Variants in COL25A1 observed in about 807,000 individuals in gnomAD.
COL25A1 encodes the protein collagen alpha-1(XXV) chain.
A neutral mutation model predicts 128.4 loss-of-function variants in COL25A1; 103 were observed. The observed-to-expected ratio is 0.80, with a 90% CI of 0.68 to 0.94. The LOEUF is 0.94. COL25A1 is among the 40% of genes least tolerant of loss of function. The pLI is 0.00. For missense variants in COL25A1, 745 were observed against 840.0 expected (o/e 0.89, Z 1.40); for synonymous variants, 279 against 277.2 (o/e 1.01, Z -0.06).
chr4:109,072,109 T>C (rs72883469), intron 3 of COL25A1, among the ~76,000 whole-genome samples: 17,584 of 152,216 alleles, frequency 0.12, 1,307 homozygotes, highest in African/African-American at 0.21. Context: ...ATACAACTCC[T>C]GGGCTAAGAG....
intron 3 of COL25A1, among the ~76,000 whole-genome samples, chr4:109,120,821 A>AAC (rs1050272932): frequency 3.4e-5 from 4 of 117,270 alleles, no homozygotes; most frequent in African/African-American, 1.9e-4. Context: ...AAAAGAAAAA[A>AAC]AAAAAAATTC....
chr4:108,853,129 C>T (rs554959265), intron 24 of COL25A1, among the ~76,000 whole-genome samples: 302 of 152,016 alleles, frequency 2.0e-3, no homozygotes, highest in Non-Finnish European at 3.3e-3. Context: ...TTTTAGAATC[C>T]TATTTAAAAA....
intron 3 of COL25A1, among the ~76,000 whole-genome samples, chr4:109,170,754 A>T (rs1773509952): frequency 6.6e-6 from 1 of 152,154 alleles, no homozygotes; most frequent in Non-Finnish European, 1.5e-5. Context: ...CCTTTGCAGA[A>T]ATAGCTTAGG....
At chr4:108,860,197 T>C (rs577302235) in intron 23 of COL25A1, among the ~76,000 whole-genome samples, 8 of 152,268 alleles carry the variant, frequency 5.3e-5, no homozygotes, top group Non-Finnish European at 1.2e-4. Flanking sequence ...CTGCAACCTC[T>C]GCCTCCTGTG....
intron 8 of COL25A1, 27 bp from the exon 9 acceptor site, chr4:108,941,464 T>A: frequency 6.4e-7 from 1 of 1,574,108 alleles, no homozygotes; most frequent in African/African-American, 1.3e-5. Flanking sequence ...GGTCAAAGGT[T>A]GAAGTTCAGA....
At chr4:109,119,554 C>T (rs1767925274) in intron 3 of COL25A1, among the ~76,000 whole-genome samples, 2 of 151,928 alleles carry the variant, frequency 1.3e-5, no homozygotes, top group Admixed American at 1.3e-4. Flanking sequence ...GCTCTATGCC[C>T]ATAGATTAAA....
chr4:108,955,831 CAG>C (rs1750010382), intron 8 of COL25A1, among the ~76,000 whole-genome samples: 1 of 151,792 alleles, frequency 6.6e-6, no homozygotes, highest in Admixed American at 6.6e-5. Flanking sequence ...CTCTGTCAAA[CAG>C]AAAAAAAATA....
Position 109,076,517 on chromosome 4 carries a change from A to AG in COL25A1, c.368-26339dup, listed in dbSNP as rs1763389594. On this transcript the variant is annotated intron_variant, in intron 3 of 37. Transcript: ENST00000399132. ...TCCTAATAAGAATATCTGCTACACT[A>AG]GTAAGTACAGTAGAGCAGTGGTCCC... Among the ~76,000 whole-genome samples, 3 of 152,118 alleles carry AG rather than the reference A, an allele frequency of 2.0e-5. No homozygotes were observed. The South Asian group carries it at 6.2e-4, about 32-fold the overall frequency.
chr4:109,058,049 T>C (rs1761611911), intron 3 of COL25A1, among the ~76,000 whole-genome samples: 1 of 152,112 alleles, frequency 6.6e-6, no homozygotes, highest in South Asian at 2.1e-4. Context: ...AAATGAGGGG[T>C]TATCTTTGTT....
chr4:109,196,382 A>G (rs1272576369), intron 3 of COL25A1, among the ~76,000 whole-genome samples: 3 of 152,152 alleles, frequency 2.0e-5, no homozygotes, highest in Non-Finnish European at 1.5e-5. Context: ...CGTATGCATT[A>G]TAACATGCAT....
intron 3 of COL25A1, among the ~76,000 whole-genome samples, chr4:109,149,266 T>G (rs1490772386): frequency 6.6e-6 from 1 of 152,250 alleles, no homozygotes; most frequent in Non-Finnish European, 1.5e-5. Flanking sequence ...AACGGTTTCC[T>G]ATTGGATCAT....
intron 6 of COL25A1, among the ~76,000 whole-genome samples, chr4:108,998,982 T>G (rs1579034129): frequency 6.6e-6 from 1 of 152,208 alleles, no homozygotes; most frequent in East Asian, 1.9e-4. Flanking sequence ...GATAAAAGAC[T>G]TAAATGTAAG....
At chr4:108,842,891 T>C (rs1734611532) in intron 30 of COL25A1, among the ~76,000 whole-genome samples, 1 of 152,112 alleles carries the variant, frequency 6.6e-6, no homozygotes, top group Non-Finnish European at 1.5e-5. Flanking sequence ...ACATCTGTAA[T>C]CCTAGCACTT....
intron 19 of COL25A1, among the ~76,000 whole-genome samples, chr4:108,883,056 T>G (rs1230130388): frequency 6.6e-6 from 1 of 152,174 alleles, no homozygotes; most frequent in Non-Finnish European, 1.5e-5. Context: ...ATTTTTCTTT[T>G]TTAGAGACGG....
intron 18 of COL25A1, among the ~76,000 whole-genome samples, chr4:108,888,517 C>T (rs1741087032): frequency 6.6e-6 from 1 of 152,124 alleles, no homozygotes; most frequent in South Asian, 2.1e-4. Flanking sequence ...CGATAAACTG[C>T]TAGCATGTGT....
intron 3 of COL25A1, among the ~76,000 whole-genome samples, chr4:109,239,322 A>T (rs1292816385): frequency 1.4e-5 from 2 of 147,210 alleles, no homozygotes; most frequent in African/African-American, 4.9e-5. Flanking sequence ...TATTATAGTA[A>T]TATAGTAATA....
intron 3 of COL25A1, among the ~76,000 whole-genome samples, chr4:109,084,571 C>G (rs2125999242): frequency 1.3e-5 from 2 of 152,272 alleles, no homozygotes; most frequent in Non-Finnish European, 2.9e-5. Flanking sequence ...ACAGGGGAGC[C>G]TAAGCTACTT....
At chr4:108,932,182 T>C (rs1578805565) in intron 11 of COL25A1, among the ~76,000 whole-genome samples, 4 of 152,200 alleles carry the variant, frequency 2.6e-5, no homozygotes, top group African/African-American at 9.6e-5. Context: ...AGGAAAGCCA[T>C]GAGTTTTATG....
chr4:108,993,118 G>C (rs1230847830), intron 6 of COL25A1, among the ~76,000 whole-genome samples: 2 of 152,110 alleles, frequency 1.3e-5, no homozygotes, highest in African/African-American at 4.8e-5. Flanking sequence ...TTGTACCATA[G>C]ATTTCTTAAA....
Sources: allele counts gnomAD v4.1 joint callset (sites outside exome capture counted in the v4.1 genomes callset), GRCh38; gene constraint gnomAD v4.1.1; transcripts MANE v1.5; gene names NCBI Gene and HGNC (gene_info 2026-07-23, HGNC 2026-07-21).